Variants in HDAC9 observed in about 807,000 individuals in gnomAD.
The protein encoded by HDAC9 is histone deacetylase 9, also known as MEF-2 interacting transcription repressor (MITR) protein.
HDAC9 carries 41 observed loss-of-function variants against 139.4 expected under a neutral mutation model. That is an observed-to-expected ratio of 0.29 (90% CI 0.23 to 0.38). The LOEUF is 0.38. HDAC9 is among the 10% of genes least tolerant of loss of function. HDAC9 has a pLI of 1.00. For missense variants in HDAC9, 1,147 were observed against 1,297.0 expected, an observed-to-expected ratio of 0.88 and a Z score of 1.78; for synonymous variants, 517 against 476.2, an observed-to-expected ratio of 1.09 and a Z score of -1.12.
intron 25 of HDAC9, among the ~76,000 whole-genome samples, chr7:18,978,948 G>GT (rs912502662): frequency 3.4e-4 from 51 of 149,674 alleles, no homozygotes; most frequent in Admixed American, 2.1e-3. Context: ...GTGTGTGTGT[G>GT]TTTTTTTTTT....
At chr7:18,635,405 T>A (rs1238679633) in intron 8 of HDAC9, among the ~76,000 whole-genome samples, 2 of 152,040 alleles carry the variant, frequency 1.3e-5, no homozygotes, top group Non-Finnish European at 2.9e-5. Flanking sequence ...AGATATGAAC[T>A]CTATGTTTGA....
At chr7:18,733,875 T>TA (rs1457231451) in intron 13 of HDAC9, among the ~76,000 whole-genome samples, 1 of 152,146 alleles carries the variant, frequency 6.6e-6, no homozygotes, top group East Asian at 1.9e-4. Context: ...GCCAACCTGA[T>TA]ATGCGTTTCT....
chr7:18,733,233 A>G (rs1289794575), intron 13 of HDAC9, among the ~76,000 whole-genome samples: 1 of 148,954 alleles, frequency 6.7e-6, no homozygotes, highest in African/African-American at 2.5e-5. Context: ...ATACACATAT[A>G]TACATGTGTA....
intron 21 of HDAC9, among the ~76,000 whole-genome samples, chr7:18,846,441 T>C (rs1796910195): frequency 6.6e-6 from 1 of 152,232 alleles, no homozygotes; most frequent in Non-Finnish European, 1.5e-5. Context: ...CTAGATCTTA[T>C]GTAGACATTT....
chr7:18,643,593 A>G (rs1389122302), intron 8 of HDAC9, among the ~76,000 whole-genome samples: 1 of 152,076 alleles, frequency 6.6e-6, no homozygotes, highest in Admixed American at 6.6e-5. Context: ...CTGAGGTTGC[A>G]TTGTATCAGC....
chr7:18,969,144 A>T (rs372394167), intron 24 of HDAC9, among the ~76,000 whole-genome samples: 12 of 152,168 alleles, frequency 7.9e-5, no homozygotes, highest in Admixed American at 3.3e-4. Flanking sequence ...AATTTTCTTT[A>T]CATATATAAG....
intron 22 of HDAC9, 71 bp downstream of exon 22, chr7:18,874,667 A>G: frequency 1.2e-6 from 1 of 837,940 alleles, no homozygotes; most frequent in South Asian, 1.5e-5. Context: ...TATGATAGAC[A>G]CCACCTTTTA....
intron 2 of HDAC9, among the ~76,000 whole-genome samples, chr7:18,255,626 C>CTTT (rs11386457): frequency 0.018 from 2,089 of 113,558 alleles, 78 homozygotes; most frequent in African/African-American, 0.03. Context: ...TTTTTCTTTC[C>CTTT]TTTTTTTTTT....
chr7:18,742,425 A>G (rs998699866), intron 13 of HDAC9, among the ~76,000 whole-genome samples: 1 of 152,220 alleles, frequency 6.6e-6, no homozygotes, highest in Admixed American at 6.5e-5. Context: ...TAATTAAGGT[A>G]TGTACATTGG....
At chr7:18,411,583 G>A (rs901977981) in intron 1 of HDAC9, among the ~76,000 whole-genome samples, 1 of 152,050 alleles carries the variant, frequency 6.6e-6, no homozygotes, top group Non-Finnish European at 1.5e-5. Context: ...CACCATGTTA[G>A]CCAAGATGGT....
intron 13 of HDAC9, 124 bp downstream of exon 13, chr7:18,727,881 C>G (rs1034761145): frequency 2.5e-5 from 17 of 690,794 alleles, no homozygotes. Flanking sequence ...CAGTGCAACC[C>G]AAATTTTACG....
intron 2 of HDAC9, among the ~76,000 whole-genome samples, chr7:18,523,391 A>G (rs879599631): frequency 1.3e-5 from 2 of 152,232 alleles, no homozygotes; most frequent in Non-Finnish European, 2.9e-5. Flanking sequence ...AACTGGAAGG[A>G]CCAGAAAGAG....
upstream of HDAC9, among the ~76,000 whole-genome samples, chr7:18,494,416 A>C (rs1796616581): frequency 6.6e-6 from 1 of 151,992 alleles, no homozygotes; most frequent in African/African-American, 2.4e-5. Flanking sequence ...GAATTTTGAA[A>C]TAATCTGCTT....
At chr7:18,203,435 C>T (rs1791279739) in intron 2 of HDAC9, among the ~76,000 whole-genome samples, 1 of 152,076 alleles carries the variant, frequency 6.6e-6, no homozygotes, top group African/African-American at 2.4e-5. Context: ...CAGTTATTGA[C>T]AGATCTTAAG....
At chr7:18,149,974 G>C (rs1235691759) in intron 1 of HDAC9, among the ~76,000 whole-genome samples, 1 of 151,996 alleles carries the variant, frequency 6.6e-6, no homozygotes, top group African/African-American at 2.4e-5. Flanking sequence ...TGGGATTACA[G>C]GTGTAATCTA....
At chr7:18,429,335 C>G (rs77646150) in intron 1 of HDAC9, 1 of 152,268 alleles carries the variant, frequency 6.6e-6, no homozygotes, top group East Asian at 1.9e-4. Flanking sequence ...CATGTTCTTT[C>G]TTTTATCTTA....
chr7:18,184,354 C>T (rs1392844210), intron 2 of HDAC9, among the ~76,000 whole-genome samples: 2 of 152,102 alleles, frequency 1.3e-5, no homozygotes, highest in African/African-American at 4.8e-5. Flanking sequence ...GAGCCAAGAT[C>T]TCTCCATAGC....
At chr7:18,650,926 G>A (rs1263172662) in intron 11 of HDAC9, among the ~76,000 whole-genome samples, 3 of 152,032 alleles carry the variant, frequency 2.0e-5, no homozygotes, top group Non-Finnish European at 4.4e-5. Context: ...TCATCAAGTT[G>A]GCATATTCAC....
Position 18,174,195 on chromosome 7 carries a change from A to C in HDAC9, c.25+11846A>C, listed in dbSNP as rs1420816357. Among the ~76,000 whole-genome samples the C allele has an allele frequency of 3.3e-5, 5 of 152,036 alleles. No individual in the cohort carries two copies. The South Asian group carries it at 1.0e-3, about 32-fold the overall frequency. On this transcript the variant is annotated intron_variant, in intron 2 of 12. Transcript: ENST00000417496. Reference sequence around the variant, plus strand: ...TTTGTCTTGTTGCTTTATTTCATTAATTTGATCTTCAATCACTGATACCTT... The same window carrying C: ...TTTGTCTTGTTGCTTTATTTCATTACTTTGATCTTCAATCACTGATACCTT...
Sources: gnomAD v4.1 joint callset for allele counts (sites outside exome capture counted in the v4.1 genomes callset) on GRCh38, gnomAD v4.1.1 for gene constraint, MANE v1.5 for transcripts, NCBI Gene and HGNC (gene_info 2026-07-23, HGNC 2026-07-21) for gene names.